The following MCUB variants were observed in gnomAD, a reference collection of about 807,000 sequenced individuals.
MCUB encodes the protein calcium uniporter regulatory subunit MCUb, mitochondrial.
Under a neutral mutation model 41.4 loss-of-function variants are expected in MCUB, and 46 were observed. The ratio of observed to expected loss-of-function variants is 1.11; its 90% confidence interval spans 0.88 to 1.42. The LOEUF is 1.42. Ranked by LOEUF, MCUB falls within the 40% of genes most tolerant of loss-of-function variation. The probability of loss-of-function intolerance (pLI) is 0.00; values close to 1 mark genes in which losing one functional copy is unlikely to be tolerated. For synonymous variants in MCUB, 148 were observed against 148.2 expected (o/e 1.00, Z 0.01); for missense variants, 403 against 404.9 (o/e 1.00, Z 0.04).
At chr4:109,650,534 A>T (rs1318806699) in intron 1 of MCUB, among the ~76,000 whole-genome samples, 1 of 152,186 alleles carries the variant, frequency 6.6e-6, no homozygotes, top group Non-Finnish European at 1.5e-5. Context: ...AAACAGTCTC[A>T]AACATAACAT....
At chr4:109,666,216 G>T (rs1179311316) in intron 4 of MCUB, among the ~76,000 whole-genome samples, 1 of 152,152 alleles carries the variant, frequency 6.6e-6, no homozygotes, top group East Asian at 1.9e-4. Flanking sequence ...GGACATCTGG[G>T]ATACTTCCAA....
At chr4:109,631,625 ATCTATAGT>A (rs1318266393) in intron 1 of MCUB, among the ~76,000 whole-genome samples, 2 of 152,162 alleles carry the variant, frequency 1.3e-5, no homozygotes, top group Non-Finnish European at 2.9e-5. Flanking sequence ...TCAGCCCCAA[ATCTATAGT>A]TCTTTGCCCT....
At chr4:109,596,725 C>CTTT (rs34686512) in intron 1 of MCUB, among the ~76,000 whole-genome samples, 1 of 106,260 alleles carries the variant, frequency 9.4e-6, no homozygotes. Context: ...TCTTAAACTT[C>CTTT]TTTTTTTTTT....
At chr4:109,579,282 G>A (rs1727110074) in intron 1 of MCUB, among the ~76,000 whole-genome samples, 1 of 149,732 alleles carries the variant, frequency 6.7e-6, no homozygotes, top group Non-Finnish European at 1.5e-5. Context: ...ACGGAGTCTC[G>A]CTCTGTCACC....
At chr4:109,598,253 G>T (rs1379717394) in intron 1 of MCUB, among the ~76,000 whole-genome samples, 1 of 151,532 alleles carries the variant, frequency 6.6e-6, no homozygotes, top group African/African-American at 2.4e-5. Context: ...CGGCTGGGAG[G>T]TGGAGGTTGT....
chr4:109,645,253 G>A (rs1010925655), intron 1 of MCUB, among the ~76,000 whole-genome samples: 2 of 151,994 alleles, frequency 1.3e-5, no homozygotes, highest in Non-Finnish European at 2.9e-5. Flanking sequence ...GAGGTTGTAC[G>A]AGTAGTTACA....
intron 1 of MCUB, among the ~76,000 whole-genome samples, chr4:109,616,705 A>C (rs908315154): frequency 1.3e-5 from 2 of 152,194 alleles, no homozygotes. Context: ...TAACCATATT[A>C]ATATTTTGGT....
At chr4:109,632,040 C>T (rs562043654) in intron 1 of MCUB, among the ~76,000 whole-genome samples, 1 of 152,160 alleles carries the variant, frequency 6.6e-6, no homozygotes, top group Non-Finnish European at 1.5e-5. Flanking sequence ...AATAACCACA[C>T]CCTCTTTGAA....
At chr4:109,577,978 A>G (rs115779306) in intron 1 of MCUB, among the ~76,000 whole-genome samples, 1,859 of 152,318 alleles carry the variant, frequency 0.012, 44 homozygotes, top group African/African-American at 0.042. Context: ...ACCTAGCCAC[A>G]TCAGTTTTAT....
At chr4:109,627,573 G>A (rs754634821) in intron 1 of MCUB, among the ~76,000 whole-genome samples, 4 of 152,170 alleles carry the variant, frequency 2.6e-5, no homozygotes, top group East Asian at 3.8e-4. Context: ...TGTGTCAGGC[G>A]TGGCCCTTGG....
At chr4:109,564,200 T>G (rs1203672347) in intron 1 of MCUB, among the ~76,000 whole-genome samples, 1 of 151,814 alleles carries the variant, frequency 6.6e-6, no homozygotes, top group African/African-American at 2.4e-5. Flanking sequence ...TGGCGCAATC[T>G]CAGTTCACTG....
intron 4 of MCUB, among the ~76,000 whole-genome samples, chr4:109,668,389 C>G (rs993238153): frequency 1.3e-5 from 2 of 152,060 alleles, no homozygotes; most frequent in Non-Finnish European, 2.9e-5. Flanking sequence ...TATGTAATGT[C>G]TCTCTTTACT....
intron 1 of MCUB, among the ~76,000 whole-genome samples, chr4:109,629,368 C>T (rs1728426252): frequency 1.3e-5 from 2 of 152,092 alleles, no homozygotes; most frequent in Non-Finnish European, 2.9e-5. Context: ...ATTGTCTTAA[C>T]AACAATCAAC....
intron 2 of MCUB, 29 bp from the exon 3 acceptor site, chr4:109,660,166 T>TCA: frequency 9.5e-7 from 1 of 1,054,216 alleles, no homozygotes; most frequent in Non-Finnish European, 1.4e-6. Context: ...TAAAATTTAC[T>TCA]CATTTTTTTT....
intron 1 of MCUB, among the ~76,000 whole-genome samples, chr4:109,628,760 G>C (rs1400286507): frequency 1.3e-5 from 2 of 152,216 alleles, no homozygotes; most frequent in African/African-American, 4.8e-5. Flanking sequence ...CTGCAAAATT[G>C]AGCTTTTCTT....
At chr4:109,661,307 A>G (rs2126144876) in intron 3 of MCUB, among the ~76,000 whole-genome samples, 1 of 152,330 alleles carries the variant, frequency 6.6e-6, no homozygotes, top group Admixed American at 6.5e-5. Context: ...ATAAATTTGC[A>G]TTATTTCATT....
intron 1 of MCUB, among the ~76,000 whole-genome samples, chr4:109,581,369 A>G (rs1241622374): frequency 6.6e-6 from 1 of 152,222 alleles, no homozygotes; most frequent in Non-Finnish European, 1.5e-5. Flanking sequence ...TACACCTTAT[A>G]GAAAAATTAA....
At chr4:109,576,593 T>A (rs1245998503) in intron 1 of MCUB, among the ~76,000 whole-genome samples, 1 of 149,998 alleles carries the variant, frequency 6.7e-6, no homozygotes, top group Non-Finnish European at 1.5e-5. Flanking sequence ...TGGCATGATG[T>A]GGGAACTCTT....
intron 5 of MCUB, 178 bp downstream of exon 5, chr4:109,682,920 C>A: frequency 1.8e-6 from 1 of 547,396 alleles, no homozygotes; most frequent in Non-Finnish European, 3.2e-6. Flanking sequence ...GGAAACTGAG[C>A]AACAGAGCTG....
Sources: allele counts gnomAD v4.1 joint callset (sites outside exome capture counted in the v4.1 genomes callset), GRCh38; gene constraint gnomAD v4.1.1; transcripts MANE v1.5; gene names NCBI Gene and HGNC (gene_info 2026-07-23, HGNC 2026-07-21).